WWP2: variants seen among roughly 807,000 people sequenced by gnomAD.
The protein encoded by WWP2 is WW domain containing E3 ubiquitin protein ligase 2, also known as NEDD4-like E3 ubiquitin-protein ligase WWP2.
In WWP2, 57 loss-of-function variants were observed where a neutral mutation model predicts 121.0. The ratio of observed to expected loss-of-function variants is 0.47; its 90% confidence interval spans 0.38 to 0.59. WWP2 has a LOEUF of 0.59. Among genes scored for constraint, WWP2 ranks in the 20% least tolerant of loss-of-function variants. The pLI, the probability that WWP2 is intolerant of heterozygous loss-of-function variation, is 0.00. For synonymous variants in WWP2, 449 were observed against 441.3 expected (o/e 1.02, Z -0.22); for missense variants, 962 against 1,158.9 (o/e 0.83, Z 2.47).
At position 69,935,957 on chromosome 16, in the gene WWP2, T is replaced by C. The variant is rs200978403; in HGVS notation, c.1947T>C (p.Pro649=). 3.7e-6 allele frequency: 6 copies of C among 1,613,938 alleles called. No individual in the cohort carries two copies. In the Admixed American group the frequency reaches 1.0e-4, roughly 27 times the overall value. The part of the protein sequence containing the change: ...PTLKDLESID[P]EFYNSIVWIK... ...TGAAAGACCTGGAGTCCATTGACCCTGAGTTCTACAACTCCATTGTCTGGA... is the reference window on the plus strand; with the variant it reads ...TGAAAGACCTGGAGTCCATTGACCCCGAGTTCTACAACTCCATTGTCTGGA... Residue 649 remains proline (P), a synonymous_variant, in exon 18 of 24, where the codon CCT becomes CCC. Transcript: ENST00000359154. This position sits in a 1 kb window ranked among gnomAD's most constrained non-coding sequence, Gnocchi z 5.2.
intron 6 of WWP2, among the ~76,000 whole-genome samples, chr16:69,853,924 G>T (rs992572250): frequency 1.3e-5 from 2 of 152,180 alleles, no homozygotes; most frequent in Admixed American, 1.3e-4. Context: ...GTTCAGCAGG[G>T]TTTATGGAAC....
intron 4 of WWP2, among the ~76,000 whole-genome samples, chr16:69,831,879 AG>A (rs1411885366): frequency 1.6e-5 from 2 of 127,344 alleles, no homozygotes; most frequent in Non-Finnish European, 3.1e-5. Context: ...CCCAGGCTGG[AG>A]TGCAGTACCC....
chr16:69,890,542 T>G (rs60525790), intron 8 of WWP2, among the ~76,000 whole-genome samples: 5,570 of 152,244 alleles, frequency 0.037, 282 homozygotes, highest in African/African-American at 0.12. Flanking sequence ...TGTTATAATT[T>G]GGGGGGAACA....
At chr16:69,798,941 C>A in intron 3 of WWP2, 112 bp downstream of exon 3, 1 of 1,478,512 alleles carries the variant, frequency 6.8e-7, no homozygotes. Flanking sequence ...CTTTTTCTAC[C>A]TATGGTACCC....
At chr16:69,848,651 A>C in intron 6 of WWP2, among the ~76,000 whole-genome samples, 1 of 151,676 alleles carries the variant, frequency 6.6e-6, no homozygotes, top group East Asian at 1.9e-4. Context: ...AAAAAAAAAA[A>C]AAAAAAAAAA....
Position 69,789,761 on chromosome 16 carries a change from A to G in WWP2, c.70+2681A>G, listed in dbSNP as rs974120203. On this transcript the variant is annotated intron_variant, in intron 2 of 23. Transcript: ENST00000359154. ...CAGACTTTTAACTTTTGCCTGTTTC[A>G]TTGGTGCAAGCTTGTGTTCTCAGTG... Among the ~76,000 whole-genome samples, 17 of 152,184 alleles carry G rather than the reference A, an allele frequency of 1.1e-4. 2 individuals carry two copies. The highest frequency in any genetic ancestry group is 3.9e-4 in the East Asian group (2 of 5,174).
At chr16:69,895,027 TGAG>T (rs1370744860) in intron 8 of WWP2, 1 of 152,208 alleles carries the variant, frequency 6.6e-6, no homozygotes, top group Non-Finnish European at 1.5e-5. Context: ...TGGAATTAAT[TGAG>T]GAGGGATGTT....
Position 69,933,863 on chromosome 16 carries a change from C to T in WWP2, c.1683-107C>T, listed in dbSNP as rs550419296. 4.7e-5 allele frequency: 63 copies of T among 1,331,154 alleles called. No homozygotes were observed. In the East Asian group the frequency reaches 1.0e-3, roughly 21 times the overall value. The allele number at this position is 1,331,154 out of a possible 1,614,324, so 82.5% of individuals were successfully genotyped here. ...TCACAGGGCTCGACTCCCTGGGACACGTGTCCCCATACTAACCTGAGACAC... is the reference window on the plus strand; with the variant it reads ...TCACAGGGCTCGACTCCCTGGGACATGTGTCCCCATACTAACCTGAGACAC... On this transcript the variant is annotated intron_variant, in intron 16 of 23. Transcript: ENST00000359154.
rs561856544 is a variant in WWP2, at chr16:69,837,312, T to A, written c.341-2814T>A. ...AACTCCTGGCCTCAGGTGATCCTCC[T>A]ACCTCAGCCTCCCAAAGTGCTGGGA... On this transcript the variant is annotated intron_variant, in intron 4 of 23. Transcript: ENST00000359154. Among the ~76,000 whole-genome samples, 25 of 147,378 alleles carry A rather than the reference T, an allele frequency of 1.7e-4. 1 individual carries two copies. The South Asian group carries it at 5.4e-3, about 32-fold the overall frequency.
chr16:69,796,574 C>A (rs1287737038), intron 2 of WWP2, among the ~76,000 whole-genome samples: 4 of 152,218 alleles, frequency 2.6e-5, no homozygotes, highest in Non-Finnish European at 4.4e-5. Context: ...ATTTAAAATA[C>A]AGTTTTTACT....
intron 8 of WWP2, among the ~76,000 whole-genome samples, chr16:69,897,414 CT>C (rs2151948098): frequency 6.6e-6 from 1 of 152,112 alleles, no homozygotes; most frequent in East Asian, 1.9e-4. Context: ...CTGAGGAGGT[CT>C]TTTTTTAACC....
Position 69,871,936 on chromosome 16 carries a change from G to A in WWP2, c.703+5G>A, listed in dbSNP as rs780236524. 134 of 1,612,784 alleles carry A rather than the reference G, an allele frequency of 8.3e-5. No individual in the cohort carries two copies. The highest frequency in any genetic ancestry group is 1.1e-4 in the Non-Finnish European group (126 of 1,179,534). The stretch of plus-strand genomic sequence containing the variant: ...GTGGCTTGGCCAATGGCACAGGTGA[G>A]TGATGGCACCGCACGCCAGCCTGCA... On this transcript the variant is annotated splice_donor_5th_base_variant and intron_variant, in intron 7 of 23. Transcript: ENST00000359154.
At chr16:69,784,126 T>G in intron 1 of WWP2, among the ~76,000 whole-genome samples, 1 of 130,848 alleles carries the variant, frequency 7.6e-6, no homozygotes, top group Non-Finnish European at 1.6e-5. Flanking sequence ...TGAGACGGAG[T>G]CTTGCTGTCA....
chr16:69,814,145 C>T (rs1396441328), intron 4 of WWP2, among the ~76,000 whole-genome samples: 6 of 152,098 alleles, frequency 3.9e-5, no homozygotes, highest in African/African-American at 7.2e-5. Flanking sequence ...ACCTTGCATA[C>T]CAAATGTGGG....
chr16:69,808,294 G>A (rs1298059205), intron 4 of WWP2, among the ~76,000 whole-genome samples: 1 of 151,644 alleles, frequency 6.6e-6, no homozygotes, highest in African/African-American at 2.4e-5. Context: ...AATAGAGATG[G>A]GATCTCGCTA....
chr16:69,897,064 G>A (rs2058116482), intron 8 of WWP2, among the ~76,000 whole-genome samples: 1 of 151,818 alleles, frequency 6.6e-6, no homozygotes, highest in South Asian at 2.1e-4. Context: ...CTTTGGCTCT[G>A]TGCTGCATTT....
At chr16:69,860,414 G>C (rs971712573) in intron 6 of WWP2, among the ~76,000 whole-genome samples, 3 of 152,208 alleles carry the variant, frequency 2.0e-5, no homozygotes, top group African/African-American at 7.2e-5. Context: ...TCATGAATGT[G>C]TAGTGACACA....
chr16:69,804,112 C>T (rs373262899), intron 4 of WWP2, among the ~76,000 whole-genome samples: 6 of 152,206 alleles, frequency 3.9e-5, no homozygotes, highest in East Asian at 3.9e-4. Flanking sequence ...TATTATTCTT[C>T]GTCTTACCAT....
intron 6 of WWP2, among the ~76,000 whole-genome samples, chr16:69,844,086 C>A (rs2057026362): frequency 6.6e-6 from 1 of 152,020 alleles, no homozygotes; most frequent in Non-Finnish European, 1.5e-5. Flanking sequence ...TTTTTCCGTA[C>A]CTTTATTAGA....
Sources: gnomAD v4.1 joint callset for allele counts (sites outside exome capture counted in the v4.1 genomes callset) on GRCh38, gnomAD v4.1.1 for gene constraint, Gnocchi (gnomAD v3.1) non-coding constraint, MANE v1.5 for transcripts, NCBI Gene and HGNC (gene_info 2026-07-23, HGNC 2026-07-21) for gene names.